ZNF286A: variants seen among roughly 807,000 people sequenced by gnomAD.
ZNF286A encodes zinc finger protein 286A, also known as zinc finger protein ZNF286.
ZNF286A carries 34 observed loss-of-function variants against 49.3 expected under a neutral mutation model. The ratio of observed to expected loss-of-function variants is 0.69; its 90% CI spans 0.52 to 0.92. The LOEUF is 0.92. Among genes scored for constraint, ZNF286A ranks in the 40% least tolerant of loss-of-function variants. ZNF286A has a pLI of 0.00. For synonymous variants in ZNF286A, 155 were observed against 200.4 expected, an observed-to-expected ratio of 0.77 and a Z score of 1.91; for missense variants, 462 against 600.2, an observed-to-expected ratio of 0.77 and a Z score of 2.41.
intron 3 of ZNF286A, among the ~76,000 whole-genome samples, chr17:15,705,058 G>A (rs1015218327): frequency 6.6e-6 from 1 of 151,984 alleles, no homozygotes; most frequent in African/African-American, 2.4e-5. Context: ...CGCGCACAGC[G>A]TACACCAACC....
At position 15,700,807 on chromosome 17, in the gene ZNF286A, C is replaced by G. The variant is rs1989714388; in HGVS notation, c.38-345C>G. On this transcript the variant is annotated intron_variant, in intron 2 of 5. Coordinates refer to ENST00000583566, the MANE Select transcript of ZNF286A (RefSeq NM_001130842.2). ...CCCCAGGCTCAACTAATGCTTATTACTTTGAGGTGGGGTCCAGCAATCTAC... is the reference window on the plus strand; with the variant it reads ...CCCCAGGCTCAACTAATGCTTATTAGTTTGAGGTGGGGTCCAGCAATCTAC... The G allele has an allele frequency of 1.8e-5, 6 of 335,170 alleles. 1 individual carries two copies. The highest frequency in any genetic ancestry group is 5.7e-5 in the South Asian group (2 of 34,796). 20.8% of individuals were successfully genotyped at this position (335,170 alleles called of 1,614,324 possible).
In ZNF286A at chr17:15,717,219, T is replaced by C. The variant is rs1284057218; in HGVS notation, c.1495T>C (p.Cys499Arg). ...TGEKPFRCNE[C>R]GKSFKCSSSL... is the part of the protein sequence containing the mutation. Reference sequence around the variant, plus strand: ...AGAGAAACCCTTTAGATGTAATGAGTGTGGGAAAAGCTTTAAGTGCAGTTC... The same window carrying C: ...AGAGAAACCCTTTAGATGTAATGAGCGTGGGAAAAGCTTTAAGTGCAGTTC... Residue 499 changes from cysteine to arginine, a missense_variant, in exon 6 of 6, where the codon TGT becomes CGT. By Grantham distance (180) the Cys-to-Arg change is radical (BLOSUM62 -3). Around this residue, in one of 3 missense-constraint regions of ZNF286A, gnomAD observed 201 missense variants for 311.3 expected, o/e 0.65. Transcript: ENST00000583566. 1 of 1,607,920 alleles carries C rather than the reference T, an allele frequency of 6.2e-7. No homozygotes were observed. The highest frequency in any genetic ancestry group is 8.5e-7 in the Non-Finnish European group (1 of 1,177,250).
At chr17:15,712,770 TA>T (rs1310440347) in intron 5 of ZNF286A, among the ~76,000 whole-genome samples, 1 of 152,194 alleles carries the variant, frequency 6.6e-6, no homozygotes, top group Non-Finnish European at 1.5e-5. Context: ...GATATTTTCA[TA>T]ATCAAATCTC....
chr17:15,711,863 C>CA (rs1022215720), intron 5 of ZNF286A, among the ~76,000 whole-genome samples: 4 of 100,298 alleles, frequency 4.0e-5, no homozygotes, highest in Non-Finnish European at 6.3e-5. Flanking sequence ...GTAATCTGCC[C>CA]CCCCCCCGGC....
chr17:15,703,311 G>A (rs997352376), intron 3 of ZNF286A, among the ~76,000 whole-genome samples: 12 of 151,740 alleles, frequency 7.9e-5, no homozygotes, highest in Admixed American at 5.2e-4. Context: ...ACTGTTAACA[G>A]CATCAAGGTG....
At chr17:15,711,519 A>C (rs557433471) in intron 5 of ZNF286A, 1 of 152,306 alleles carries the variant, frequency 6.6e-6, no homozygotes, top group Non-Finnish European at 1.5e-5. Flanking sequence ...CACTGAGTTA[A>C]GCAAGCAAGG....
At chr17:15,709,356 G>C (rs914332284) in intron 5 of ZNF286A, among the ~76,000 whole-genome samples, 15 of 150,402 alleles carry the variant, frequency 1.0e-4, no homozygotes, top group Non-Finnish European at 1.5e-4. Flanking sequence ...GCCGGGCATG[G>C]TGACAGGCAC....
At position 15,716,215 on chromosome 17, in the gene ZNF286A, A is replaced by T; in HGVS notation, c.491A>T (p.Asn164Ile). Residue 164 changes from asparagine (N) to isoleucine (I), a missense_variant, in exon 6 of 6, where the codon AAT becomes ATT. Coordinates refer to ENST00000583566, the MANE Select transcript of ZNF286A (RefSeq NM_001130842.2). ...CTTGAATGTGAAAATTGGTTAGAGA[A>T]TCAGCAAGGAAATCAGGAGAGACAT... The part of the protein sequence containing the change: ...AALECENWLE[N>I]QQGNQERHLR... The T allele has an allele frequency of 6.2e-7, 1 of 1,613,892 alleles. No individual in the cohort carries two copies. The highest frequency in any genetic ancestry group is 8.5e-7 in the Non-Finnish European group (1 of 1,179,808).
chr17:15,704,070 T>TA (rs1478903430), intron 3 of ZNF286A, among the ~76,000 whole-genome samples: 17 of 149,850 alleles, frequency 1.1e-4, no homozygotes, highest in African/African-American at 3.9e-4. Context: ...ATTATTATTT[T>TA]TTTTTTTTTG....
At position 15,719,568 on chromosome 17, in the gene ZNF286A, G is replaced by A. The variant is rs1967268578; in HGVS notation, c.*2278G>A. ...TTCACTGTGTCTTCACATGGTAGAA[G>A]GGGAGAGCTCTGGTATCTTCAGCCC... On this transcript the variant is annotated 3_prime_UTR_variant, in exon 6 of 6. Transcript: ENST00000583566. The A allele has an allele frequency of 6.6e-6, 1 of 152,006 alleles. No homozygotes were observed. Among genetic ancestry groups the A allele is most frequent in the Non-Finnish European group, 1.5e-5 (1 of 68,034 alleles). 9.4% of individuals were successfully genotyped at this position (152,006 alleles called of 1,614,324 possible). A position where few individuals can be genotyped will look rare whatever the true frequency, so the allele number is the denominator to read the frequency against.
intron 3 of ZNF286A, chr17:15,704,929 C>CG: frequency 6.4e-7 from 1 of 1,567,358 alleles, no homozygotes; most frequent in Admixed American, 1.9e-5. Context: ...GCGGGTCCCC[C>CG]CGGCCCCCTT....
At chr17:15,709,014 G>A (rs1990448157) in intron 5 of ZNF286A, among the ~76,000 whole-genome samples, 1 of 152,072 alleles carries the variant, frequency 6.6e-6, no homozygotes, top group Non-Finnish European at 1.5e-5. Context: ...GGTAGATAGT[G>A]CCAAAGAGGT....
Position 15,717,346 on chromosome 17 carries a change from G to C in ZNF286A, c.*56G>C, listed in dbSNP as rs1967118961. The C allele has an allele frequency of 7.4e-7, 1 of 1,355,540 alleles. No individual in the cohort carries two copies. The allele number at this position is 1,355,540 out of a possible 1,614,324, so 84.0% of individuals were successfully genotyped here. A position where few individuals can be genotyped will look rare whatever the true frequency, so the allele number is the denominator to read the frequency against. Reference sequence around the variant, plus strand: ...GGTTTTATCACTGTATTAAATACTTGAGTGTTTAGGTGGAAGGCGCATCCA... The same window carrying C: ...GGTTTTATCACTGTATTAAATACTTCAGTGTTTAGGTGGAAGGCGCATCCA... On this transcript the variant is annotated 3_prime_UTR_variant, in exon 6 of 6. Coordinates refer to ENST00000583566, the MANE Select transcript of ZNF286A (RefSeq NM_001130842.2).
intron 3 of ZNF286A, among the ~76,000 whole-genome samples, chr17:15,705,073 T>G (rs6502467): frequency 0.49 from 73,808 of 151,830 alleles, 18,694 homozygotes; most frequent in East Asian, 0.68. Flanking sequence ...CCAACCTGCC[T>G]CCCCGGTGCC....
In ZNF286A at chr17:15,714,269, G is replaced by A. The variant is rs563255737; in HGVS notation, c.335-1790G>A. On this transcript the variant is annotated intron_variant, in intron 5 of 5. Coordinates refer to ENST00000583566, the MANE Select transcript of ZNF286A (RefSeq NM_001130842.2). ...TTAGTATCATTGTGTTGATTTGTGC[G>A]AAGTTGTAAGCAATTTTACCATTAC... 5.3e-5 allele frequency among the ~76,000 whole-genome samples: 8 copies of A among 151,306 alleles called. No homozygotes were observed. In the South Asian group the frequency reaches 8.3e-4, roughly 16 times the overall value.
chr17:15,707,543 G>A (rs1990331583), intron 4 of ZNF286A, among the ~76,000 whole-genome samples: 1 of 152,132 alleles, frequency 6.6e-6, no homozygotes, highest in Admixed American at 6.5e-5. Context: ...ATGTGGTGCT[G>A]CCATTGAGGT....
rs1478303519 is a variant in ZNF286A at position 15,716,499 on chromosome 17, A to T, written c.775A>T (p.Ile259Phe). 1 of 1,614,148 alleles carries T rather than the reference A, an allele frequency of 6.2e-7. No individual in the cohort carries two copies. Among genetic ancestry groups the T allele is most frequent in the East Asian group, 2.2e-5 (1 of 44,870 alleles). Residue 259 changes from isoleucine to phenylalanine, a missense_variant, in exon 6 of 6, where the codon ATT becomes TTT. Transcript: ENST00000583566. The stretch of plus-strand genomic sequence containing the variant: ...ACTCTTCACCTACCATTCAGTGCTT[A>T]TTCGACACCAGAGAGTCCATACTGG... ...GELFTYHSVL[I>F]RHQRVHTGEK...
At position 15,716,365 on chromosome 17, in the gene ZNF286A, C is replaced by T; in HGVS notation, c.641C>T (p.Ser214Phe). ...ACTGAAGACAGAGTTCCCAAAGGAT[C>T]TTATGCCTTCCATACACTTGAAAAA... The part of the protein sequence containing the change: ...LITEDRVPKG[S>F]YAFHTLEKSL... Residue 214 changes from serine to phenylalanine, a missense_variant, in exon 6 of 6, where the codon TCT becomes TTT. Physicochemically the swap from Ser to Phe is radical, Grantham distance 155. This residue lies in a region of ZNF286A where 259 missense variants were observed against 272.2 expected (regional missense o/e 0.95). Coordinates refer to ENST00000583566, the MANE Select transcript of ZNF286A (RefSeq NM_001130842.2). 1.2e-6 allele frequency: 2 copies of T among 1,613,794 alleles called. No homozygotes were observed. The highest frequency in any genetic ancestry group is 1.1e-5 in the South Asian group (1 of 91,044).
At chr17:15,710,912 G>T (rs1158318015) in intron 5 of ZNF286A, among the ~76,000 whole-genome samples, 1 of 143,746 alleles carries the variant, frequency 7.0e-6, no homozygotes, top group Non-Finnish European at 1.5e-5. Context: ...TGATGTACAA[G>T]TTTAATTTTT....
Sources: gnomAD v4.1 joint callset for allele counts (sites outside exome capture counted in the v4.1 genomes callset) on GRCh38, gnomAD v4.1.1 for gene constraint, gnomAD v4.1.1 regional missense constraint, MANE v1.5 for transcripts, NCBI Gene and HGNC (gene_info 2026-07-23, HGNC 2026-07-21) for gene names.